LARS2: variants seen among roughly 807,000 people sequenced by gnomAD.
The protein encoded by LARS2 is leucine--tRNA ligase, mitochondrial.
Under a neutral mutation model 116.6 loss-of-function variants are expected in LARS2, and 81 were observed. The observed-to-expected ratio is 0.69, with a 90% CI of 0.58 to 0.84. The LOEUF is 0.84. Among genes scored for constraint, LARS2 ranks in the 40% least tolerant of loss-of-function variants. The pLI is 0.00. For synonymous variants in LARS2, 396 were observed against 407.2 expected (o/e 0.97, Z 0.33); for missense variants, 968 against 1,114.5 (o/e 0.87, Z 1.87).
intron 7 of LARS2, among the ~76,000 whole-genome samples, chr3:45,451,184 G>T (rs960077285): frequency 6.6e-6 from 1 of 151,634 alleles, no homozygotes; most frequent in East Asian, 1.9e-4. Flanking sequence ...TTCCTTTGCT[G>T]TGCAGAAGCT....
Position 45,483,789 on chromosome 3 carries a change from T to C in LARS2, c.1019-1903T>C, listed in dbSNP as rs533673704. Among the ~76,000 whole-genome samples the C allele has an allele frequency of 1.1e-4, 17 of 152,256 alleles. No individual in the cohort carries two copies. The South Asian group carries it at 1.4e-3, about 13-fold the overall frequency. ...ACCATGGCTGCTGGCTGGAGACCCATTGGGGCTGCATTTCACTGTTTCCCT... is the reference window on the plus strand; with the variant it reads ...ACCATGGCTGCTGGCTGGAGACCCACTGGGGCTGCATTTCACTGTTTCCCT... On this transcript the variant is annotated intron_variant, in intron 10 of 21. Coordinates refer to ENST00000645846, the MANE Select transcript of LARS2 (RefSeq NM_015340.4).
chr3:45,506,255 G>T (rs920377170), intron 15 of LARS2, among the ~76,000 whole-genome samples: 7 of 152,070 alleles, frequency 4.6e-5, no homozygotes, highest in African/African-American at 1.7e-4. Flanking sequence ...CATTACTCTT[G>T]TTGGATCACA....
intron 3 of LARS2, 58 bp from the exon 4 acceptor site, chr3:45,400,187 T>C: frequency 6.7e-7 from 1 of 1,497,304 alleles, no homozygotes; most frequent in East Asian, 2.3e-5. Flanking sequence ...AAATATTATG[T>C]ATACATGCAG....
At chr3:45,441,843 G>A (rs1012916851) in intron 6 of LARS2, among the ~76,000 whole-genome samples, 8 of 152,174 alleles carry the variant, frequency 5.3e-5, no homozygotes, top group African/African-American at 1.7e-4. Flanking sequence ...TTCTAAGAGA[G>A]CTCAGATTGT....
At chr3:45,540,738 A>ATCTATCTGTCTG (rs1700779775) in intron 20 of LARS2, among the ~76,000 whole-genome samples, 2 of 75,182 alleles carry the variant, frequency 2.7e-5, no homozygotes, top group South Asian at 1.0e-3. Context: ...GCTTGCATGT[A>ATCTATCTGTCTG]TCTATCTGTC....
At position 45,444,868 on chromosome 3, in the gene LARS2, A is replaced by G. The variant is rs1174118465; in HGVS notation, c.517-2023A>G. ...TATTTACTAAAAGAATTTTGATATT[A>G]TGAACAACTCAATAGAAAAATTGAG... is the stretch of plus-strand genomic sequence containing the variant. On this transcript the variant is annotated intron_variant, in intron 6 of 21. Coordinates refer to ENST00000645846, the MANE Select transcript of LARS2 (RefSeq NM_015340.4). 2.0e-5 allele frequency among the ~76,000 whole-genome samples: 3 copies of G among 151,608 alleles called. No individual in the cohort carries two copies. In the East Asian group the frequency reaches 5.8e-4, roughly 29 times the overall value.
chr3:45,420,802 A>T (rs1320719060), intron 6 of LARS2, among the ~76,000 whole-genome samples: 1 of 152,176 alleles, frequency 6.6e-6, no homozygotes, highest in Non-Finnish European at 1.5e-5. Flanking sequence ...TTAGAGTGAT[A>T]ACTAGCCTAG....
At position 45,400,230 on chromosome 3, in the gene LARS2, G is replaced by T; in HGVS notation, c.235-15G>T. On this transcript the variant is annotated splice_polypyrimidine_tract_variant and intron_variant, in intron 3 of 21. Coordinates refer to ENST00000645846, the MANE Select transcript of LARS2 (RefSeq NM_015340.4). ...AGAAAATGCTTAATAAATACTCATT[G>T]TCGTTCTTTCCTAGAAATCGAAGCC... is the stretch of plus-strand genomic sequence containing the variant. 1 of 1,610,928 alleles carries T rather than the reference G, an allele frequency of 6.2e-7. No individual in the cohort carries two copies. Among genetic ancestry groups the T allele is most frequent in the Non-Finnish European group, 8.5e-7 (1 of 1,178,436 alleles).
Position 45,524,106 on chromosome 3 carries a change from C to G in LARS2, c.2402C>G (p.Ala801Gly). ...LAPHVTSEIW[A>G]GLALVPRKLC... is the part of the protein sequence containing the mutation. ...CCTCATGTAACCTCAGAGATCTGGGCAGGTACGTGGCAGAGTCCTTTTTTG... is the reference window on the plus strand; with the variant it reads ...CCTCATGTAACCTCAGAGATCTGGGGAGGTACGTGGCAGAGTCCTTTTTTG... Residue 801 changes from alanine to glycine, a missense_variant and splice_region_variant, in exon 20 of 22, where the codon GCA becomes GGA. By Grantham distance (60) the Ala-to-Gly change is moderately conservative (BLOSUM62 0). Coordinates refer to ENST00000645846, the MANE Select transcript of LARS2 (RefSeq NM_015340.4). 6.3e-7 allele frequency: 1 copy of G among 1,599,078 alleles called. No individual in the cohort carries two copies. Among genetic ancestry groups the G allele is most frequent in the Non-Finnish European group, 8.6e-7 (1 of 1,166,268 alleles).
At chr3:45,429,698 C>CT (rs35874596) in intron 6 of LARS2, among the ~76,000 whole-genome samples, 63,793 of 108,066 alleles carry the variant, frequency 0.59, 22,275 homozygotes, top group East Asian at 0.8. Flanking sequence ...CATCCTTCTG[C>CT]TTTTTTTTTT....
rs145792072 is a variant in LARS2, at chr3:45,487,830, C to T, written c.1124-867C>T. Among the ~76,000 whole-genome samples, 916 of 152,100 alleles carry T rather than the reference C, an allele frequency of 6.0e-3. 6 individuals carry two copies. Among genetic ancestry groups the T allele is most frequent in the African/African-American group, 0.021 (879 of 41,520 alleles). On this transcript the variant is annotated intron_variant, in intron 11 of 21. Coordinates refer to ENST00000645846, the MANE Select transcript of LARS2 (RefSeq NM_015340.4). ...CCGAAGCCAAAACAGCAGGCCTTGG[C>T]CCCCCTGGGTGAGTGATTTATTAAT...
chr3:45,519,319 G>A (rs920626433), intron 18 of LARS2, among the ~76,000 whole-genome samples: 3 of 151,376 alleles, frequency 2.0e-5, no homozygotes, highest in South Asian at 2.1e-4. Context: ...GTGAAACCCC[G>A]TTTCTACTAA....
intron 8 of LARS2, among the ~76,000 whole-genome samples, chr3:45,461,927 GATTATTTGGGAA>G (rs1171381244): frequency 5.3e-5 from 8 of 152,274 alleles, no homozygotes; most frequent in East Asian, 1.9e-4. Context: ...TTACTATTTG[GATTATTTGGGAA>G]ATTATTTGGG....
chr3:45,457,414 C>A (rs1699231113), intron 7 of LARS2, among the ~76,000 whole-genome samples: 1 of 152,230 alleles, frequency 6.6e-6, no homozygotes, highest in African/African-American at 2.4e-5. Context: ...CCTGGTGGCT[C>A]ACGCCTGTAA....
intron 7 of LARS2, among the ~76,000 whole-genome samples, chr3:45,447,334 A>G (rs961305558): frequency 1.3e-5 from 2 of 152,184 alleles, no homozygotes; most frequent in African/African-American, 4.8e-5. Flanking sequence ...CTAAATGGGA[A>G]TGGGGACATT....
intron 6 of LARS2, among the ~76,000 whole-genome samples, chr3:45,430,340 G>A (rs1203973947): frequency 4.7e-5 from 7 of 148,662 alleles, no homozygotes; most frequent in East Asian, 2.0e-4. Flanking sequence ...GTACTGTGGC[G>A]TGATCACGGC....
chr3:45,390,828 A>G (rs867184738), intron 1 of LARS2, among the ~76,000 whole-genome samples: 4 of 149,438 alleles, frequency 2.7e-5, no homozygotes, highest in African/African-American at 9.9e-5. Flanking sequence ...AATTTTTTGT[A>G]CTTTTAGTAG....
At chr3:45,395,175 AG>A (rs1402342739) in intron 3 of LARS2, among the ~76,000 whole-genome samples, 14 of 152,210 alleles carry the variant, frequency 9.2e-5, no homozygotes, top group African/African-American at 3.1e-4. Flanking sequence ...TGTTCTGAGA[AG>A]TAACTGCCCC....
intron 15 of LARS2, 111 bp downstream of exon 15, chr3:45,500,690 C>G: frequency 1.3e-6 from 1 of 785,086 alleles, no homozygotes; most frequent in Non-Finnish European, 2.0e-6. Context: ...TACTAGTTTT[C>G]TAGTATGCTT....
Sources: gnomAD v4.1 joint callset for allele counts (sites outside exome capture counted in the v4.1 genomes callset) on GRCh38, gnomAD v4.1.1 for gene constraint, MANE v1.5 for transcripts, NCBI Gene and HGNC (gene_info 2026-07-23, HGNC 2026-07-21) for gene names.